NDC1: variants seen among roughly 807,000 people sequenced by gnomAD.
NDC1 encodes the protein NDC1 transmembrane nucleoporin, also known as nucleoporin NDC1.
Under a neutral mutation model 89.8 loss-of-function variants are expected in NDC1, and 24 were observed. That is an observed-to-expected ratio of 0.27 (90% confidence interval 0.19 to 0.38). The LOEUF is 0.38. NDC1 is among the 10% of genes least tolerant of loss of function. The pLI is 1.00. For missense variants in NDC1, 728 were observed against 797.6 expected (o/e 0.91, Z 1.05); for synonymous variants, 296 against 284.8 (o/e 1.04, Z -0.39).
intron 14 of NDC1, 124 bp downstream of exon 14, chr1:53,793,105 C>T: frequency 2.4e-6 from 2 of 838,652 alleles, no homozygotes; most frequent in African/African-American, 3.4e-5. Context: ...AAGCACTATG[C>T]AAAGCTGCCT....
Position 53,806,493 on chromosome 1 carries a change from G to A in NDC1, c.916C>T (p.Pro306Ser), listed in dbSNP as rs1431616960. ...TEAHVFPVQPPFAEGSDECLP... is the reference protein window; with the variant it reads ...TEAHVFPVQPSFAEGSDECLP... ...CACTCATCTGACCCTTCTGCAAATG[G>A]TGGTTGAACAGGAAACACATGAGCC... Residue 306 changes from proline to serine, a missense_variant, in exon 9 of 18, where the codon CCA becomes TCA. Transcript: ENST00000371429. The A allele has an allele frequency of 1.3e-6, 2 of 1,519,630 alleles. No homozygotes were observed. Among genetic ancestry groups the A allele is most frequent in the Non-Finnish European group, 1.8e-6 (2 of 1,140,708 alleles). 94.1% of individuals were successfully genotyped at this position (1,519,630 alleles called of 1,614,324 possible).
At chr1:53,811,022 G>A (rs1326410234) in intron 6 of NDC1, among the ~76,000 whole-genome samples, 2 of 152,184 alleles carry the variant, frequency 1.3e-5, no homozygotes, top group African/African-American at 2.4e-5. Flanking sequence ...GAAGGTGAAG[G>A]TCTGTCTGTG....
chr1:53,785,713 T>G (rs556866788), intron 16 of NDC1, among the ~76,000 whole-genome samples: 4 of 151,894 alleles, frequency 2.6e-5, no homozygotes, highest in African/African-American at 9.7e-5. Flanking sequence ...GCTGGGACTA[T>G]AGGTGCGCAC....
intron 16 of NDC1, among the ~76,000 whole-genome samples, chr1:53,779,013 C>G (rs559365143): frequency 2.4e-4 from 36 of 148,936 alleles, no homozygotes; most frequent in African/African-American, 8.9e-4. Flanking sequence ...CATAGTGGTG[C>G]GTGCCTGTGG....
At chr1:53,791,633 AT>A (rs1159059162) in intron 14 of NDC1, among the ~76,000 whole-genome samples, 1 of 152,166 alleles carries the variant, frequency 6.6e-6, no homozygotes, top group Non-Finnish European at 1.5e-5. Flanking sequence ...ATTAAGTTAC[AT>A]TTTTTAACAT....
chr1:53,810,297 A>G (rs1648260070), intron 6 of NDC1, among the ~76,000 whole-genome samples: 2 of 152,180 alleles, frequency 1.3e-5, no homozygotes, highest in African/African-American at 4.8e-5. Context: ...CAGCACATAT[A>G]CTAAAATTGG....
intron 8 of NDC1, 55 bp from the exon 9 acceptor site, chr1:53,806,572 A>C (rs1648118243): frequency 9.1e-7 from 1 of 1,093,200 alleles, no homozygotes; most frequent in Admixed American, 3.0e-5. Context: ...TACATTCAAT[A>C]AGCATGCACA....
chr1:53,777,544 T>TA (rs1399254704), intron 16 of NDC1, among the ~76,000 whole-genome samples: 1 of 152,162 alleles, frequency 6.6e-6, no homozygotes, highest in Non-Finnish European at 1.5e-5. Context: ...CTCTAGTTCT[T>TA]ACTAATCTCA....
intron 4 of NDC1, among the ~76,000 whole-genome samples, chr1:53,826,980 A>T (rs1648884336): frequency 6.6e-6 from 1 of 152,174 alleles, no homozygotes; most frequent in Admixed American, 6.5e-5. Flanking sequence ...TGCCACCTCC[A>T]TTAGGAAGAG....
chr1:53,800,605 G>T, intron 11 of NDC1, 88 bp downstream of exon 11: 3 of 1,459,256 alleles, frequency 2.1e-6, no homozygotes, highest in Non-Finnish European at 2.9e-6. Context: ...GATAACAGGC[G>T]TGAGCCACAG....
intron 2 of NDC1, among the ~76,000 whole-genome samples, chr1:53,835,101 T>C (rs1226596082): frequency 1.3e-5 from 2 of 152,188 alleles, no homozygotes. Flanking sequence ...AATCAAGTGC[T>C]CTTAATTTTA....
chr1:53,793,193 C>G, intron 14 of NDC1, 36 bp downstream of exon 14: 1 of 1,504,628 alleles, frequency 6.6e-7, no homozygotes, highest in Non-Finnish European at 9.2e-7. Flanking sequence ...CATTTCCTCC[C>G]TCCCCATTCC....
intron 9 of NDC1, 75 bp downstream of exon 9, chr1:53,806,349 TA>T: frequency 1.0e-6 from 1 of 970,390 alleles, no homozygotes; most frequent in Non-Finnish European, 1.5e-6. Context: ...TACAACTACT[TA>T]AATATACTAA....
intron 6 of NDC1, among the ~76,000 whole-genome samples, chr1:53,811,082 C>A (rs188321735): frequency 5.4e-4 from 82 of 152,224 alleles, no homozygotes; most frequent in African/African-American, 2.0e-3. Context: ...GAGAGTCAAG[C>A]GAAATACAGG....
chr1:53,786,200 A>G (rs1298137805), intron 16 of NDC1, among the ~76,000 whole-genome samples: 3 of 152,266 alleles, frequency 2.0e-5, no homozygotes, highest in African/African-American at 7.2e-5. Flanking sequence ...TGTTGGGATT[A>G]TAGGTACAAG....
chr1:53,825,482 T>C (rs1276817618), intron 5 of NDC1, among the ~76,000 whole-genome samples: 1 of 134,264 alleles, frequency 7.4e-6, no homozygotes, highest in Non-Finnish European at 1.6e-5. Context: ...CAGAGTACTT[T>C]GCATGAATGT....
intron 6 of NDC1, 47 bp downstream of exon 6, chr1:53,818,924 G>T: frequency 1.2e-6 from 1 of 837,306 alleles, no homozygotes. Flanking sequence ...GACATTTTCT[G>T]GGCTATGAGA....
rs202023880 is a variant in NDC1 at position 53,778,260 on chromosome 1, TACACAC to T, written c.1801-5777_1801-5772del. On this transcript the variant is annotated intron_variant, in intron 16 of 17. Transcript: ENST00000371429. Reference sequence around the variant, plus strand: ...ATAGTATATGATGTGTGTGTGTATATACACACACACACACACACACACACACACACA... The same window carrying T: ...ATAGTATATGATGTGTGTGTGTATATACACACACACACACACACACACACA... Among the ~76,000 whole-genome samples the T allele has an allele frequency of 2.0e-3, 293 of 144,772 alleles. 1 individual carries two copies. Among genetic ancestry groups the T allele is most frequent in the East Asian group, 0.014 (68 of 4,876 alleles). The allele number at this position is 144,772 out of a possible 152,430, so 95.0% of individuals were successfully genotyped here. A position where few individuals can be genotyped will look rare whatever the true frequency, so the allele number is the denominator to read the frequency against.
chr1:53,809,277 A>G (rs901070228), intron 7 of NDC1, among the ~76,000 whole-genome samples: 3 of 152,242 alleles, frequency 2.0e-5, no homozygotes, highest in African/African-American at 7.2e-5. Context: ...TCTAAGAACA[A>G]TTATCATTGC....
Sources: allele counts gnomAD v4.1 joint callset (sites outside exome capture counted in the v4.1 genomes callset), GRCh38; gene constraint gnomAD v4.1.1; transcripts MANE v1.5; gene names NCBI Gene and HGNC (gene_info 2026-07-23, HGNC 2026-07-21).